The following MACROD2 variants were observed in gnomAD, a reference collection of about 807,000 sequenced individuals.
MACROD2 encodes the protein ADP-ribose glycohydrolase MACROD2.
Under a neutral mutation model 70.4 loss-of-function variants are expected in MACROD2, and 36 were observed. That is an observed-to-expected ratio of 0.51 (90% CI 0.39 to 0.68). The LOEUF (loss-of-function observed/expected upper bound fraction) is 0.68, where lower values mean the gene tolerates loss of function less well. Ranked by LOEUF, MACROD2 falls within the 30% of genes least tolerant of loss-of-function variation. The pLI is 0.00. For synonymous variants in MACROD2, 172 were observed against 178.8 expected (o/e 0.96, Z 0.30); for missense variants, 496 against 538.4 (o/e 0.92, Z 0.78).
In MACROD2 at chr20:14,656,008, A is replaced by G. The variant is rs142162183; in HGVS notation, c.302-28835A>G. Among the ~76,000 whole-genome samples, 3 of 152,322 alleles carry G rather than the reference A, an allele frequency of 2.0e-5. No individual in the cohort carries two copies. In the East Asian group the frequency reaches 5.8e-4, roughly 29 times the overall value. On this transcript the variant is annotated intron_variant, in intron 4 of 17. Transcript: ENST00000684519. The stretch of plus-strand genomic sequence containing the variant: ...GCTGTAGGGTCCCCTGCCGCCTTCT[A>G]TAAATGAGCAAATCAAGGACCAGAA...
chr20:14,790,093 CTTT>C (rs1364471155), intron 5 of MACROD2, among the ~76,000 whole-genome samples: 3 of 151,966 alleles, frequency 2.0e-5, no homozygotes, highest in South Asian at 2.1e-4. Flanking sequence ...AAATTATCTT[CTTT>C]ATTTCAATTG....
intron 5 of MACROD2, among the ~76,000 whole-genome samples, chr20:15,220,772 T>TGG (rs145889983): frequency 1.8e-4 from 27 of 151,280 alleles, no homozygotes; most frequent in Non-Finnish European, 3.5e-4. Context: ...GAGAAAAAAA[T>TGG]GGGGGGGGCT....
chr20:14,425,823 T>C (rs1440204231), intron 3 of MACROD2, among the ~76,000 whole-genome samples: 1 of 152,212 alleles, frequency 6.6e-6, no homozygotes, highest in African/African-American at 2.4e-5. Flanking sequence ...TTTATTCTTT[T>C]ATTTTGGTGA....
At chr20:15,043,799 G>A (rs536270019) in intron 5 of MACROD2, among the ~76,000 whole-genome samples, 2 of 152,118 alleles carry the variant, frequency 1.3e-5, no homozygotes, top group African/African-American at 4.8e-5. Context: ...ACTCTCCTCG[G>A]GTTTGATATT....
At chr20:14,197,441 G>T (rs1569201983) in intron 3 of MACROD2, among the ~76,000 whole-genome samples, 1 of 152,194 alleles carries the variant, frequency 6.6e-6, no homozygotes, top group Non-Finnish European at 1.5e-5. Flanking sequence ...TTTCTTACCA[G>T]CTTACTGTAC....
chr20:14,334,621 C>G (rs1426371514), intron 3 of MACROD2, among the ~76,000 whole-genome samples: 6 of 125,534 alleles, frequency 4.8e-5, no homozygotes, highest in African/African-American at 1.8e-4. Context: ...CAAAGCCTCC[C>G]GTTGAGAAGA....
intron 3 of MACROD2, among the ~76,000 whole-genome samples, chr20:14,299,862 A>G (rs1488109298): frequency 6.6e-6 from 1 of 152,206 alleles, no homozygotes; most frequent in East Asian, 1.9e-4. Context: ...ATATATACAG[A>G]GAAAGACCAG....
intron 8 of MACROD2, among the ~76,000 whole-genome samples, chr20:15,654,523 C>T (rs1318358605): frequency 6.6e-6 from 1 of 152,170 alleles, no homozygotes; most frequent in Non-Finnish European, 1.5e-5. Flanking sequence ...GATATCTCTC[C>T]CTCTTCCCTA....
At chr20:15,713,314 T>C (rs1568988768) in intron 8 of MACROD2, among the ~76,000 whole-genome samples, 1 of 152,204 alleles carries the variant, frequency 6.6e-6, no homozygotes, top group Admixed American at 6.5e-5. Context: ...CAGCGGAATC[T>C]CCTGCTTTAT....
At chr20:14,344,871 G>C (rs1297464054) in intron 3 of MACROD2, among the ~76,000 whole-genome samples, 6 of 152,200 alleles carry the variant, frequency 3.9e-5, no homozygotes, top group Non-Finnish European at 7.3e-5. Flanking sequence ...AACTGTTTGA[G>C]CAGCTTTGGA....
intron 5 of MACROD2, among the ~76,000 whole-genome samples, chr20:15,091,125 T>C (rs982542416): frequency 5.3e-5 from 8 of 152,138 alleles, no homozygotes; most frequent in Admixed American, 4.6e-4. Context: ...CGAATTGCAA[T>C]TAATCTGCAG....
chr20:15,327,145 C>T (rs576212369), intron 6 of MACROD2, among the ~76,000 whole-genome samples: 9 of 152,134 alleles, frequency 5.9e-5, no homozygotes, highest in African/African-American at 9.6e-5. Context: ...TGGACACTCA[C>T]GGGCATGTAT....
chr20:15,654,284 CT>C (rs202175605), intron 8 of MACROD2, among the ~76,000 whole-genome samples: 3,627 of 152,258 alleles, frequency 0.024, 177 homozygotes, highest in East Asian at 0.2. Context: ...TGAGCTCCAC[CT>C]TTACCATAGT....
intron 5 of MACROD2, among the ~76,000 whole-genome samples, chr20:15,048,618 C>G (rs957681560): frequency 6.6e-6 from 1 of 152,032 alleles, no homozygotes; most frequent in Non-Finnish European, 1.5e-5. Flanking sequence ...ATAAACTTCT[C>G]CAGTAATGAA....
intron 5 of MACROD2, among the ~76,000 whole-genome samples, chr20:14,789,020 C>T (rs751848855): frequency 5.3e-5 from 8 of 151,878 alleles, no homozygotes; most frequent in Middle Eastern, 3.4e-3. Context: ...CTGCCTGCCT[C>T]GGCCTCCCAA....
At chr20:15,024,003 T>C (rs1568536763) in intron 5 of MACROD2, among the ~76,000 whole-genome samples, 4 of 152,164 alleles carry the variant, frequency 2.6e-5, no homozygotes, top group African/African-American at 7.2e-5. Context: ...TCAATAAATA[T>C]AAGCAGGTCC....
intron 5 of MACROD2, among the ~76,000 whole-genome samples, chr20:15,101,583 G>T (rs2075873522): frequency 8.1e-6 from 1 of 123,426 alleles, no homozygotes. Flanking sequence ...TAAACATTTT[G>T]CTTTTCAGTG....
chr20:15,909,858 G>C (rs555547282), intron 10 of MACROD2, among the ~76,000 whole-genome samples: 43 of 152,138 alleles, frequency 2.8e-4, no homozygotes, highest in African/African-American at 1.0e-3. Context: ...GAAGTCCTTT[G>C]GGGTTCAGAA....
At chr20:15,697,181 A>C (rs1189257072) in intron 8 of MACROD2, among the ~76,000 whole-genome samples, 1 of 152,056 alleles carries the variant, frequency 6.6e-6, no homozygotes, top group Non-Finnish European at 1.5e-5. Context: ...TTTTTGATGA[A>C]GGCATTTAGG....
Sources: gnomAD v4.1 joint callset for allele counts (sites outside exome capture counted in the v4.1 genomes callset) on GRCh38, gnomAD v4.1.1 for gene constraint, MANE v1.5 for transcripts, NCBI Gene and HGNC (gene_info 2026-07-23, HGNC 2026-07-21) for gene names.